The following ZFAT variants were observed in gnomAD, a reference collection of about 807,000 sequenced individuals.
ZFAT encodes the protein zinc finger protein ZFAT.
Under a neutral mutation model 117.7 loss-of-function variants are expected in ZFAT, and 64 were observed. The observed-to-expected ratio is 0.54, with a 90% CI of 0.44 to 0.67. The LOEUF (loss-of-function observed/expected upper bound fraction) is 0.67. ZFAT is among the 30% of genes least tolerant of loss of function. The probability of loss-of-function intolerance (pLI) is 0.00; values close to 1 mark genes in which losing one functional copy is unlikely to be tolerated. For synonymous variants in ZFAT, 679 were observed against 615.0 expected (o/e 1.10, Z -1.54); for missense variants, 1,433 against 1,584.5 (o/e 0.90, Z 1.62).
chr8:134,644,086 A>AC (rs376801629), intron 2 of ZFAT, among the ~76,000 whole-genome samples: 500 of 152,256 alleles, frequency 3.3e-3, no homozygotes, highest in African/African-American at 0.011. Flanking sequence ...CCTGAACTTA[A>AC]CCGCGCAGAG....
chr8:134,509,317 T>C (rs1029068122), intron 15 of ZFAT, among the ~76,000 whole-genome samples: 1 of 152,158 alleles, frequency 6.6e-6, no homozygotes, highest in African/African-American at 2.4e-5. Flanking sequence ...CAGAGATGTG[T>C]CTCAATGGTC....
chr8:134,564,472 C>T (rs1366378711), intron 11 of ZFAT, among the ~76,000 whole-genome samples: 1 of 152,228 alleles, frequency 6.6e-6, no homozygotes. Context: ...GTTTGGGGCA[C>T]TGCCTGGTAG....
chr8:134,790,063 A>G, the ZFAT span, among the ~76,000 whole-genome samples: 5 of 152,338 alleles, frequency 3.3e-5, no homozygotes, highest in Middle Eastern at 3.4e-3. Context: ...CTTAATTTTC[A>G]TACTAAATGG....
intron 1 of ZFAT, among the ~76,000 whole-genome samples, chr8:134,668,549 G>C (rs981658008): frequency 2.0e-5 from 3 of 152,236 alleles, no homozygotes; most frequent in Non-Finnish European, 4.4e-5. Flanking sequence ...GGTCCTGACT[G>C]CTAGAAGGAA....
At chr8:134,735,609 G>A in the ZFAT span, among the ~76,000 whole-genome samples, 5 of 152,172 alleles carry the variant, frequency 3.3e-5, no homozygotes, top group Middle Eastern at 3.4e-3. Context: ...ACTTCCCATT[G>A]GGACTCCTCT....
intron 10 of ZFAT, among the ~76,000 whole-genome samples, chr8:134,567,824 T>C (rs1824585346): frequency 6.6e-6 from 1 of 152,238 alleles, no homozygotes; most frequent in Non-Finnish European, 1.5e-5. Context: ...TGCTAACATT[T>C]TCCATGCCTG....
At chr8:134,521,216 T>G (rs563928157) in intron 12 of ZFAT, among the ~76,000 whole-genome samples, 1 of 152,340 alleles carries the variant, frequency 6.6e-6, no homozygotes, top group East Asian at 1.9e-4. Context: ...CTTTTTTTAT[T>G]TGTTGAATAA....
chr8:134,734,413 C>T, the ZFAT span, among the ~76,000 whole-genome samples: 1 of 152,232 alleles, frequency 6.6e-6, no homozygotes, highest in Non-Finnish European at 1.5e-5. Context: ...ATCCTGCATG[C>T]ATCATATAGG....
the ZFAT span, among the ~76,000 whole-genome samples, chr8:134,772,547 G>A: frequency 6.6e-6 from 1 of 152,282 alleles, no homozygotes; most frequent in Non-Finnish European, 1.5e-5. Context: ...AGCTAGCAGA[G>A]GTTTGTTAAT....
At chr8:134,687,308 G>A (rs980042616) in intron 1 of ZFAT, among the ~76,000 whole-genome samples, 5 of 152,218 alleles carry the variant, frequency 3.3e-5, no homozygotes, top group African/African-American at 9.6e-5. Flanking sequence ...TTTCTTTGCT[G>A]AAGCTGGATT....
Position 134,657,675 on chromosome 8 carries a change from G to A in ZFAT, c.82C>T (p.Leu28Phe). Residue 28 changes from leucine (L) to phenylalanine (F), a missense_variant, in exon 2 of 16, where the codon CTC (leucine) becomes TTC (phenylalanine). Coordinates refer to ENST00000377838, the MANE Select transcript of ZFAT (RefSeq NM_020863.4). ...ATGTGCTTCTCTGAAACGTGGGAGA[G>A]GAGTTCCGACTGATTTGGTGAGAAG... is the stretch of plus-strand genomic sequence containing the variant. ...NLFSPNQSELLSHVSEKHMEE... is the reference protein window; with the variant it reads ...NLFSPNQSELFSHVSEKHMEE... The A allele has an allele frequency of 6.2e-7, 1 of 1,614,108 alleles. No individual in the cohort carries two copies. Among genetic ancestry groups the A allele is most frequent in the Non-Finnish European group, 8.5e-7 (1 of 1,180,026 alleles).
chr8:134,799,946 A>T, the ZFAT span, among the ~76,000 whole-genome samples: 2 of 152,318 alleles, frequency 1.3e-5, no homozygotes, highest in Admixed American at 6.5e-5. Context: ...TATATTCATC[A>T]TGTAAGTCAA....
chr8:134,523,565 C>T (rs537080367), intron 12 of ZFAT, among the ~76,000 whole-genome samples: 1 of 152,340 alleles, frequency 6.6e-6, no homozygotes, highest in South Asian at 2.1e-4. Flanking sequence ...CATGGTCTTT[C>T]GAAAACACAG....
At chr8:134,807,692 C>A in the ZFAT span, among the ~76,000 whole-genome samples, 1 of 148,046 alleles carries the variant, frequency 6.8e-6, no homozygotes, top group African/African-American at 2.5e-5. Context: ...GACCATGGAG[C>A]AGAAAATGCC....
the ZFAT span, among the ~76,000 whole-genome samples, chr8:134,772,073 G>C: frequency 6.6e-6 from 1 of 152,188 alleles, no homozygotes; most frequent in Non-Finnish European, 1.5e-5. Context: ...TTCAAGATGA[G>C]ATTTGGGTAG....
chr8:134,653,270 T>TAA (rs374514584), intron 2 of ZFAT, among the ~76,000 whole-genome samples: 5 of 91,880 alleles, frequency 5.4e-5, no homozygotes, highest in Admixed American at 1.2e-4. Flanking sequence ...ATGTCTTTTT[T>TAA]AAAAAAAAAA....
At chr8:134,539,922 A>G (rs1044975270) in intron 11 of ZFAT, among the ~76,000 whole-genome samples, 6 of 152,190 alleles carry the variant, frequency 3.9e-5, no homozygotes, top group African/African-American at 1.4e-4. Context: ...AAGTCATTAC[A>G]ACTCCACTGC....
chr8:134,829,206 T>C, the ZFAT span, among the ~76,000 whole-genome samples: 1 of 152,234 alleles, frequency 6.6e-6, no homozygotes. Context: ...CAGGACAGCT[T>C]TGAATGAGGC....
rs374719469 is a variant in ZFAT, at chr8:134,478,725, C to A, written c.3493-4G>T. The A allele has an allele frequency of 1.3e-6, 2 of 1,552,674 alleles. No individual in the cohort carries two copies. The highest frequency in any genetic ancestry group is 1.4e-5 in the African/African-American group (1 of 73,212). ...AGCTGGGCTCCTCCTCGGTGACCTGCGGGAGGAGGGCAAGAGAAAGGTCAC... is the reference window on the plus strand; with the variant it reads ...AGCTGGGCTCCTCCTCGGTGACCTGAGGGAGGAGGGCAAGAGAAAGGTCAC... On this transcript the variant is annotated splice_polypyrimidine_tract_variant and splice_region_variant and intron_variant, in intron 15 of 15. Transcript: ENST00000377838. This position sits in a 1 kb window ranked among gnomAD's most constrained non-coding sequence, Gnocchi z 5.2.
Sources: gnomAD v4.1 joint callset for allele counts (sites outside exome capture counted in the v4.1 genomes callset) on GRCh38, gnomAD v4.1.1 for gene constraint, Gnocchi (gnomAD v3.1) non-coding constraint, MANE v1.5 for transcripts, NCBI Gene and HGNC (gene_info 2026-07-23, HGNC 2026-07-21) for gene names.